PCDH7: variants seen among roughly 807,000 people sequenced by gnomAD.
The protein encoded by PCDH7 is protocadherin-7.
A neutral mutation model predicts 58.9 loss-of-function variants in PCDH7; 17 were observed. That is an observed-to-expected ratio of 0.29 (90% confidence interval 0.20 to 0.43). The LOEUF (loss-of-function observed/expected upper bound fraction) is 0.43, where lower values mean the gene tolerates loss of function less well. Among genes scored for constraint, PCDH7 ranks in the 20% least tolerant of loss-of-function variants. The pLI is 1.00. For missense variants in PCDH7, 1,274 were observed against 1,441.0 expected (o/e 0.88, Z 1.88); for synonymous variants, 664 against 616.4 (o/e 1.08, Z -1.14).
intron 1 of PCDH7, among the ~76,000 whole-genome samples, chr4:30,876,439 T>C (rs1043808654): frequency 6.6e-6 from 1 of 152,070 alleles, no homozygotes; most frequent in South Asian, 2.1e-4. Context: ...AATAAATTGA[T>C]ATTGGTAGTA....
intron 3 of PCDH7, among the ~76,000 whole-genome samples, chr4:31,098,773 A>G (rs1404486831): frequency 6.6e-6 from 1 of 152,200 alleles, no homozygotes; most frequent in Non-Finnish European, 1.5e-5. Context: ...GAGTATATCA[A>G]TTTACTAGGG....
chr4:31,095,267 TCCCTCC>T (rs1713813125), intron 3 of PCDH7, among the ~76,000 whole-genome samples: 1 of 152,042 alleles, frequency 6.6e-6, no homozygotes, highest in Non-Finnish European at 1.5e-5. Context: ...ATCTAGTGAG[TCCCTCC>T]CTGCCACCCT....
intron 3 of PCDH7, among the ~76,000 whole-genome samples, chr4:31,089,702 C>T (rs1712975100): frequency 6.6e-6 from 1 of 151,954 alleles, no homozygotes; most frequent in Admixed American, 6.6e-5. Context: ...TAAAAGCTCC[C>T]TGTAACAATT....
intron 3 of PCDH7, among the ~76,000 whole-genome samples, chr4:31,029,352 A>G (rs1231047735): frequency 1.3e-5 from 2 of 152,212 alleles, no homozygotes; most frequent in African/African-American, 2.4e-5. Flanking sequence ...CTCAAACATC[A>G]AAACAGAGTC....
At chr4:30,869,466 ATGTTCACCTCCC>A (rs1735271965) in intron 1 of PCDH7, among the ~76,000 whole-genome samples, 1 of 151,952 alleles carries the variant, frequency 6.6e-6, no homozygotes, top group South Asian at 2.1e-4. Flanking sequence ...CCAGTGTGTG[ATGTTCACCTCCC>A]TGTGTCCATG....
chr4:30,975,983 A>T (rs1327970647), intron 3 of PCDH7, among the ~76,000 whole-genome samples: 1 of 152,188 alleles, frequency 6.6e-6, no homozygotes, highest in Non-Finnish European at 1.5e-5. Context: ...AAGAATCTGC[A>T]GCCCTCATAA....
At chr4:30,914,699 G>T (rs1197274791) in intron 1 of PCDH7, among the ~76,000 whole-genome samples, 1 of 152,148 alleles carries the variant, frequency 6.6e-6, no homozygotes. Context: ...GTGGCCTGAG[G>T]TATACTACCG....
chr4:30,861,855 C>T (rs1476024792), intron 1 of PCDH7, among the ~76,000 whole-genome samples: 2 of 152,070 alleles, frequency 1.3e-5, no homozygotes, highest in African/African-American at 4.8e-5. Context: ...AGAAGTAGAG[C>T]ACCTTGTTAG....
intron 1 of PCDH7, among the ~76,000 whole-genome samples, chr4:30,902,421 T>C (rs1188724647): frequency 6.6e-6 from 1 of 152,164 alleles, no homozygotes; most frequent in African/African-American, 2.4e-5. Context: ...TTTTTAAAAA[T>C]GCCGACACTA....
At chr4:30,977,559 T>C (rs1276013700) in intron 3 of PCDH7, among the ~76,000 whole-genome samples, 1 of 152,200 alleles carries the variant, frequency 6.6e-6, no homozygotes, top group Non-Finnish European at 1.5e-5. Flanking sequence ...TAGGAGGAAA[T>C]ATGACTTGTA....
Position 30,989,832 on chromosome 4 carries a change from GGAGA to G in PCDH7, c.*7+39622_*7+39625del, listed in dbSNP as rs1222311358. Reference sequence around the variant, plus strand: ...TATAAATTTCAGTGAAAAGAGAGAGGGAGAGAGATTGAGAAATATCAATTAATCA... The same window carrying G: ...TATAAATTTCAGTGAAAAGAGAGAGGGAGATTGAGAAATATCAATTAATCA... On this transcript the variant is annotated intron_variant, in intron 3 of 3. Transcript: ENST00000509759. 7.2e-5 allele frequency among the ~76,000 whole-genome samples: 11 copies of G among 152,194 alleles called. No homozygotes were observed. The South Asian group carries it at 1.0e-3, about 14-fold the overall frequency.
downstream of PCDH7, chr4:31,144,420 G>A (rs574267392): frequency 2.6e-5 from 4 of 152,254 alleles, no homozygotes; most frequent in Non-Finnish European, 4.4e-5. Context: ...AACCTAACAC[G>A]GCTGAAAATT....
At chr4:31,015,970 G>A (rs1753572664) in intron 3 of PCDH7, among the ~76,000 whole-genome samples, 1 of 152,054 alleles carries the variant, frequency 6.6e-6, no homozygotes, top group Admixed American at 6.6e-5. Context: ...TTATGGTATG[G>A]TTACCAAGAT....
intron 1 of PCDH7, among the ~76,000 whole-genome samples, chr4:30,769,200 A>T (rs1721098587): frequency 6.6e-6 from 1 of 152,196 alleles, no homozygotes; most frequent in Non-Finnish European, 1.5e-5. Context: ...CCACTTGCAG[A>T]GTTGCAGGAC....
At chr4:30,808,084 A>G (rs1269944546) in intron 1 of PCDH7, among the ~76,000 whole-genome samples, 1 of 152,226 alleles carries the variant, frequency 6.6e-6, no homozygotes, top group Non-Finnish European at 1.5e-5. Flanking sequence ...ACTGAGATCC[A>G]AACATGTACT....
intron 1 of PCDH7, among the ~76,000 whole-genome samples, chr4:30,759,678 T>C (rs1443513857): frequency 2.6e-5 from 4 of 152,164 alleles, no homozygotes; most frequent in East Asian, 3.9e-4. Context: ...TTGAAATGTA[T>C]AAAATACAGC....
chr4:31,045,601 G>T (rs576835237), intron 3 of PCDH7, among the ~76,000 whole-genome samples: 123 of 151,842 alleles, frequency 8.1e-4, no homozygotes, highest in Non-Finnish European at 1.5e-3. Context: ...CTACAGTTTG[G>T]GATGGCTACT....
chr4:30,869,131 C>G (rs1360085548), intron 1 of PCDH7: 1 of 152,000 alleles, frequency 6.6e-6, no homozygotes, highest in Non-Finnish European at 1.5e-5. Context: ...ACTGATCACG[C>G]AGCAGCATGC....
chr4:30,813,180 G>C (rs1269958715), intron 1 of PCDH7, among the ~76,000 whole-genome samples: 1 of 152,142 alleles, frequency 6.6e-6, no homozygotes, highest in Non-Finnish European at 1.5e-5. Context: ...TGGATTCTTG[G>C]ATATTGCAAT....
Sources: allele counts gnomAD v4.1 joint callset (sites outside exome capture counted in the v4.1 genomes callset), GRCh38; gene constraint gnomAD v4.1.1; transcripts MANE v1.5; gene names NCBI Gene and HGNC (gene_info 2026-07-23, HGNC 2026-07-21).